Variants in ACCSL observed in about 807,000 individuals in gnomAD.
ACCSL encodes the protein 1-aminocyclopropane-1-carboxylate synthase homolog (inactive) like.
ACCSL carries 55 observed loss-of-function variants against 61.7 expected under a neutral mutation model. The ratio of observed to expected loss-of-function variants is 0.89; its 90% CI spans 0.72 to 1.12. ACCSL has a LOEUF of 1.12. ACCSL is among the 50% of genes most tolerant of loss of function. ACCSL has a pLI of 0.00. For synonymous variants in ACCSL, 258 were observed against 264.3 expected, an observed-to-expected ratio of 0.98 and a Z score of 0.23; for missense variants, 632 against 698.0, an observed-to-expected ratio of 0.91 and a Z score of 1.07.
chr11:44,006,389 G>A, the ACCSL span, among the ~76,000 whole-genome samples: 2 of 152,140 alleles, frequency 1.3e-5, no homozygotes, highest in Non-Finnish European at 2.9e-5. Flanking sequence ...GTGGCTGAGA[G>A]CCAGTGTGCA....
the ACCSL span, among the ~76,000 whole-genome samples, chr11:43,976,246 A>C: frequency 6.6e-6 from 1 of 152,136 alleles, no homozygotes; most frequent in South Asian, 2.1e-4. Flanking sequence ...ATCTTCTATG[A>C]GAGAGAGATA....
At chr11:43,938,968 C>T in the ACCSL span, among the ~76,000 whole-genome samples, 6 of 152,308 alleles carry the variant, frequency 3.9e-5, no homozygotes, top group Middle Eastern at 3.4e-3. Context: ...CTCTGAGCCA[C>T]GATAGTCTGA....
the ACCSL span, chr11:43,995,464 G>C: frequency 2.0e-5 from 3 of 152,254 alleles, no homozygotes; most frequent in African/African-American, 7.2e-5. Context: ...TGTCCTCATG[G>C]AATTGACTTT....
chr11:44,003,446 A>G, the ACCSL span, among the ~76,000 whole-genome samples: 1 of 152,132 alleles, frequency 6.6e-6, no homozygotes, highest in African/African-American at 2.4e-5. Flanking sequence ...TGAGGCCAGG[A>G]GTTCAAGACC....
chr11:44,018,682 A>T, the ACCSL span, among the ~76,000 whole-genome samples: 3 of 152,224 alleles, frequency 2.0e-5, no homozygotes, highest in African/African-American at 7.2e-5. Context: ...GATATAATTC[A>T]CATATAAAAT....
the ACCSL span, among the ~76,000 whole-genome samples, chr11:43,951,851 A>G: frequency 3.3e-5 from 5 of 152,116 alleles, no homozygotes; most frequent in African/African-American, 1.2e-4. Flanking sequence ...AAATACAAAC[A>G]TTAGCCAGGC....
chr11:43,922,475 T>G, the ACCSL span, among the ~76,000 whole-genome samples: 2 of 152,242 alleles, frequency 1.3e-5, no homozygotes, highest in East Asian at 3.8e-4. Flanking sequence ...CTGACTTTCC[T>G]GTTCATCAGG....
chr11:43,935,701 C>T, the ACCSL span, among the ~76,000 whole-genome samples: 1 of 152,164 alleles, frequency 6.6e-6, no homozygotes, highest in South Asian at 2.1e-4. Flanking sequence ...CTATGTTGCT[C>T]AGGCTGGCCG....
chr11:44,018,988 C>G, the ACCSL span, among the ~76,000 whole-genome samples: 17 of 152,326 alleles, frequency 1.1e-4, no homozygotes, highest in East Asian at 3.3e-3. Context: ...TTGGCAACCA[C>G]TAATTCATTT....
intron 7 of ACCSL, 129 bp from the exon 8 acceptor site, chr11:44,053,277 T>C (rs2134771237): frequency 7.6e-6 from 7 of 916,246 alleles, no homozygotes; most frequent in Non-Finnish European, 1.2e-5. Flanking sequence ...CTTTGGGCAG[T>C]ATAGTAGTTG....
chr11:43,946,358 A>G, the ACCSL span, among the ~76,000 whole-genome samples: 132 of 152,222 alleles, frequency 8.7e-4, no homozygotes, highest in African/African-American at 3.1e-3. Flanking sequence ...ACGGCTTCCC[A>G]AAGTGCTGGG....
At chr11:43,995,848 G>A in the ACCSL span, among the ~76,000 whole-genome samples, 1 of 152,192 alleles carries the variant, frequency 6.6e-6, no homozygotes, top group East Asian at 1.9e-4. Flanking sequence ...ATTATGAGTT[G>A]AACCAGATCC....
At chr11:43,950,549 C>T in the ACCSL span, among the ~76,000 whole-genome samples, 1 of 152,218 alleles carries the variant, frequency 6.6e-6, no homozygotes, top group Non-Finnish European at 1.5e-5. Flanking sequence ...CCAGGGCATG[C>T]AGCCAATGTA....
chr11:44,028,204 A>G, the ACCSL span, among the ~76,000 whole-genome samples: 2 of 151,936 alleles, frequency 1.3e-5, no homozygotes, highest in African/African-American at 4.8e-5. Context: ...AGTTATTAAG[A>G]TAAGTAAGAT....
At chr11:44,016,447 C>G in the ACCSL span, among the ~76,000 whole-genome samples, 1 of 152,138 alleles carries the variant, frequency 6.6e-6, no homozygotes, top group Non-Finnish European at 1.5e-5. Context: ...CTCAGCTAGA[C>G]TACAACAGGA....
the ACCSL span, among the ~76,000 whole-genome samples, chr11:44,025,804 G>C: frequency 2.0e-5 from 3 of 152,124 alleles, no homozygotes; most frequent in African/African-American, 7.2e-5. Flanking sequence ...CTGAAAGATA[G>C]TTTTGCTGGA....
chr11:44,017,394 T>C, the ACCSL span, among the ~76,000 whole-genome samples: 1 of 152,190 alleles, frequency 6.6e-6, no homozygotes, highest in African/African-American at 2.4e-5. Context: ...TCTGTGACTA[T>C]ACTCCCTGTG....
At chr11:43,950,522 T>C in the ACCSL span, among the ~76,000 whole-genome samples, 1 of 152,230 alleles carries the variant, frequency 6.6e-6, no homozygotes, top group African/African-American at 2.4e-5. Context: ...TTCACCAACA[T>C]TGATTTTTCC....
At chr11:43,931,886 T>C in the ACCSL span, among the ~76,000 whole-genome samples, 1 of 152,104 alleles carries the variant, frequency 6.6e-6, no homozygotes, top group African/African-American at 2.4e-5. Flanking sequence ...CCAGGAGTAA[T>C]CCCATCCAGC....
Sources: gnomAD v4.1 joint callset for allele counts (sites outside exome capture counted in the v4.1 genomes callset) on GRCh38, gnomAD v4.1.1 for gene constraint, MANE v1.5 for transcripts, NCBI Gene and HGNC (gene_info 2026-07-23, HGNC 2026-07-21) for gene names.